Variants in TTN observed in about 807,000 individuals in gnomAD.
TTN encodes the protein connectin.
Under a neutral mutation model 3,223.0 loss-of-function variants are expected in TTN, and 1,525 were observed. The ratio of observed to expected loss-of-function variants is 0.47; its 90% CI spans 0.45 to 0.49. The LOEUF is 0.49. TTN is among the 20% of genes least tolerant of loss of function. The probability of loss-of-function intolerance (pLI) is 0.00; values close to 1 mark genes in which losing one functional copy is unlikely to be tolerated. For synonymous variants in TTN, 14,094 were observed against 15,161.0 expected (o/e 0.93, Z 5.17); for missense variants, 40,786 against 43,424.0 (o/e 0.94, Z 5.40).
intron 92 of TTN, 36 bp from the exon 93 acceptor site, chr2:178,713,408 C>CAAAAAA (rs1553893885): frequency 1.4e-6 from 2 of 1,459,526 alleles, no homozygotes; most frequent in African/African-American, 2.9e-5. Context: ...CAAAACAAAA[C>CAAAAAA]AAAAAAAACA....
In TTN at chr2:178,617,440, G is replaced by A. The variant is rs1425908913; in HGVS notation, c.47645C>T (p.Pro15882Leu). 1.3e-6 allele frequency: 2 copies of A among 1,597,238 alleles called. No individual in the cohort carries two copies. Among genetic ancestry groups the A allele is most frequent in the South Asian group, 1.2e-5 (1 of 86,720 alleles). ...TQSSVQLKWEPPLKDGGSPIL... is the reference protein window; with the variant it reads ...TQSSVQLKWELPLKDGGSPIL... ...TGGGCTTCCTCCATCTTTCAGAGGA[G>A]GTTCCCATTTGAGCTGAACTGATGA... Residue 15882 changes from proline (P) to leucine (L), a missense_variant, in exon 254 of 363, where the codon CCT becomes CTT. Physicochemically the swap from Pro to Leu is moderately conservative, Grantham distance 98 (BLOSUM62 -3). Transcript: ENST00000589042.
rs773007980 is a variant in TTN, at chr2:178,612,844, C to G, written c.49877G>C (p.Arg16626Thr). The change falls in exon 265 of 363, where the codon AGA (arginine) becomes ACA (threonine). Residue 16626 changes from arginine (R) to threonine (T), a missense_variant. Physicochemically the swap from Arg to Thr is moderately conservative, Grantham distance 71. Transcript: ENST00000589042. ...ACTTTCCCCAGCCTTATTCACAGCT[C>G]TAACTCGGAATGAGTATTCCTGTCC... ...MEGQEYSFRV[R>T]AVNKAGESEP... 3 of 1,612,440 alleles carry G rather than the reference C, an allele frequency of 1.9e-6. No homozygotes were observed. Among genetic ancestry groups the G allele is most frequent in the East Asian group, 4.5e-5 (2 of 44,536 alleles).
In TTN at chr2:178,649,906, G is replaced by T. The variant is rs754165747; in HGVS notation, c.39818-12C>A. 1.9e-6 allele frequency: 3 copies of T among 1,597,842 alleles called. No homozygotes were observed. The South Asian group carries it at 3.5e-5, about 18-fold the overall frequency. On this transcript the variant is annotated splice_polypyrimidine_tract_variant and intron_variant, in intron 210 of 362. Coordinates refer to ENST00000589042, the MANE Select transcript of TTN (RefSeq NM_001267550.2). ...GGGCTCTTCAGGCACTTGAATAATA[G>T]GAATTTCTTTTAGAATTAGGTGATT... is the stretch of plus-strand genomic sequence containing the variant.
rs794729236 is a variant in TTN at position 178,696,038 on chromosome 2, T to C, written c.31034A>G (p.Tyr10345Cys). The C allele has an allele frequency of 1.9e-6, 3 of 1,550,984 alleles. No homozygotes were observed. Among genetic ancestry groups the C allele is most frequent in the Non-Finnish European group, 2.6e-6 (3 of 1,146,552 alleles). The part of the protein sequence containing the change: ...QPYYEEPDED[Y>C]EEIKVEAKKE... ...TTTAGCTTCTACCTTAATCTCTTCA[T>C]AGTCTTCATCTGGTTCTTCATAATA... The change falls in exon 114 of 363, where the codon TAT becomes TGT. Residue 10345 changes from tyrosine to cysteine, a missense_variant. Coordinates refer to ENST00000589042, the MANE Select transcript of TTN (RefSeq NM_001267550.2).
intron 96 of TTN, 59 bp downstream of exon 96, chr2:178,711,885 A>G: frequency 6.6e-7 from 1 of 1,513,100 alleles, no homozygotes; most frequent in South Asian, 1.4e-5. Flanking sequence ...CTCCCCAGAC[A>G]TTTTAAATCT....
chr2:178,790,775 T>C lies in TTN; in HGVS notation c.1733A>G (p.Glu578Gly). Reference sequence around the variant, plus strand: ...TTCTTCTTGAGCTCCCGGGACTGTTTCTAGTTTTGTGGACTTTGCAGTGGC... The same window carrying C: ...TTCTTCTTGAGCTCCCGGGACTGTTCCTAGTTTTGTGGACTTTGCAGTGGC... ...VVATAKSTKL[E>G]TVPGAQEETT... Residue 578 changes from glutamate to glycine, a missense_variant, in exon 11 of 363, where the codon GAA becomes GGA. Coordinates refer to ENST00000589042, the MANE Select transcript of TTN (RefSeq NM_001267550.2). The C allele has an allele frequency of 6.2e-7, 1 of 1,614,174 alleles. No individual in the cohort carries two copies. The highest frequency in any genetic ancestry group is 8.5e-7 in the Non-Finnish European group (1 of 1,180,016).
At chr2:178,666,695 C>T (rs1045158150) in intron 163 of TTN, 129 bp downstream of exon 163, 53 of 714,426 alleles carry the variant, frequency 7.4e-5, no homozygotes, top group Non-Finnish European at 9.6e-5. Context: ...TGAGCTTCTA[C>T]TTGGGGGATC....
In TTN at chr2:178,712,841, C is replaced by G. The variant is rs1287177900; in HGVS notation, c.27184G>C (p.Gly9062Arg). The stretch of plus-strand genomic sequence containing the variant: ...TCCAAAGACACGTTGCATCTGTCAC[C>G]TGGTACTAGTTCACTGCTACCTTTG... ...WFKGSSELVP[G>R]DRCNVSLEDS... Residue 9062 changes from glycine to arginine, a missense_variant, in exon 94 of 363, where the codon GGT (glycine) becomes CGT (arginine). Coordinates refer to ENST00000589042, the MANE Select transcript of TTN (RefSeq NM_001267550.2). 6.2e-7 allele frequency: 1 copy of G among 1,613,798 alleles called. No homozygotes were observed. The highest frequency in any genetic ancestry group is 2.2e-5 in the East Asian group (1 of 44,848).
chr2:178,642,362 A>C (rs1458746453), intron 218 of TTN, 45 bp from the exon 219 acceptor site: 1 of 1,517,370 alleles, frequency 6.6e-7, no homozygotes, highest in Non-Finnish European at 8.9e-7. Flanking sequence ...TTTATATAAA[A>C]ACGGAATTTC....
chr2:178,565,059 C>G lies in TTN; in HGVS notation c.81073G>C (p.Ala27025Pro). The part of the protein sequence containing the change: ...TTTTTWHMVS[A>P]TVARTTIKIT... ...TTAATTGTTGTTCTTGCAACTGTTGCTGATACCATGTGCCAAGTGGTGGTG... is the reference window on the plus strand; with the variant it reads ...TTAATTGTTGTTCTTGCAACTGTTGGTGATACCATGTGCCAAGTGGTGGTG... The change falls in exon 326 of 363, where the codon GCA becomes CCA. Residue 27025 changes from alanine to proline, a missense_variant. Ala to Pro is a conservative substitution (Grantham distance 27). Coordinates refer to ENST00000589042, the MANE Select transcript of TTN (RefSeq NM_001267550.2). The G allele has an allele frequency of 6.2e-7, 1 of 1,613,660 alleles. No homozygotes were observed.
chr2:178,587,991 T>C lies in TTN; in HGVS notation c.63416A>G (p.Gln21139Arg), dbSNP rs1576042907. 6.2e-7 allele frequency: 1 copy of C among 1,612,648 alleles called. No individual in the cohort carries two copies. Among genetic ancestry groups the C allele is most frequent in the Non-Finnish European group, 8.5e-7 (1 of 1,179,280 alleles). The change falls in exon 305 of 363, where the codon CAG becomes CGG. Residue 21139 changes from glutamine (Q) to arginine (R), a missense_variant. Physicochemically the swap from Gln to Arg is conservative, Grantham distance 43. Transcript: ENST00000589042. ...EFTVTSLDEN[Q>R]EYEFRVCAQN... ...GGCACACACCCTGAACTCATATTCCTGGTTTTCATCCAAGCTGGTAACAGT... is the reference window on the plus strand; with the variant it reads ...GGCACACACCCTGAACTCATATTCCCGGTTTTCATCCAAGCTGGTAACAGT...
At chr2:178,734,237 A>G (rs2081045474) in intron 52 of TTN, 91 bp downstream of exon 52, 7 of 1,429,452 alleles carry the variant, frequency 4.9e-6, no homozygotes, top group Middle Eastern at 3.7e-4. Context: ...AAAGGATAGG[A>G]CAAGAGAAGA....
chr2:178,732,746 C>A, intron 55 of TTN, 28 bp from the exon 56 acceptor site: 1 of 1,560,154 alleles, frequency 6.4e-7, no homozygotes, highest in Non-Finnish European at 8.7e-7. Context: ...GAAAGAATTT[C>A]AAAGAGTTAA....
Position 178,712,913 on chromosome 2 carries a change from A to C in TTN, c.27112T>G (p.Phe9038Val). The C allele has an allele frequency of 6.2e-7, 1 of 1,613,324 alleles. No individual in the cohort carries two copies. Among genetic ancestry groups the C allele is most frequent in the Non-Finnish European group, 8.5e-7 (1 of 1,179,580 alleles). ...MDVLTGTNVT[F>V]TSIVKGTPPF... is the part of the protein sequence containing the mutation. Reference sequence around the variant, plus strand: ...GGTGTTCCTTTTACGATACTTGTGAAAGTTACATTGGTCCCAGTTAAAACA... The same window carrying C: ...GGTGTTCCTTTTACGATACTTGTGACAGTTACATTGGTCCCAGTTAAAACA... The change falls in exon 94 of 363, where the codon TTC (phenylalanine) becomes GTC (valine). Residue 9038 changes from phenylalanine to valine, a missense_variant. Coordinates refer to ENST00000589042, the MANE Select transcript of TTN (RefSeq NM_001267550.2).
Position 178,774,445 on chromosome 2 carries a change from A to G in TTN, c.6819T>C (p.Leu2273=). 1 of 1,613,204 alleles carries G rather than the reference A, an allele frequency of 6.2e-7. No individual in the cohort carries two copies. Among genetic ancestry groups the G allele is most frequent in the Non-Finnish European group, 8.5e-7 (1 of 1,179,926 alleles). ...EGAVVEFVKE[L]QDIEVPESYS... ...ATGATTCTGGAACTTCTATGTCCTGAAGTTCTTTCACAAACTCAACAACTG... is the reference window on the plus strand; with the variant it reads ...ATGATTCTGGAACTTCTATGTCCTGGAGTTCTTTCACAAACTCAACAACTG... The change falls in exon 30 of 363, where the codon CTT becomes CTC. Residue 2273 remains leucine (L), a synonymous_variant. Transcript: ENST00000589042.
rs770849924 is a variant in TTN at position 178,641,303 on chromosome 2, C to A, written c.40571G>T (p.Arg13524Ile). Residue 13524 changes from arginine to isoleucine, a missense_variant, in exon 220 of 363, where the codon AGA becomes ATA. Coordinates refer to ENST00000589042, the MANE Select transcript of TTN (RefSeq NM_001267550.2). ...EVVLKSVLRK[R>I]PEEEEPKVEP... ...TACTTTAGGTTCTTCTTCTTCAGGT[C>A]TTTTTCTTAGAACTTTAAAGACAAA... is the stretch of plus-strand genomic sequence containing the variant. The A allele has an allele frequency of 1.7e-5, 25 of 1,496,276 alleles. No individual in the cohort carries two copies. The highest frequency in any genetic ancestry group is 1.8e-5 in the Non-Finnish European group (20 of 1,120,716). 92.7% of individuals were successfully genotyped at this position (1,496,276 alleles called of 1,614,324 possible).
At chr2:178,528,498 C>T in intron 360 of TTN, 30 bp downstream of exon 360, 1 of 1,592,948 alleles carries the variant, frequency 6.3e-7, no homozygotes, top group Non-Finnish European at 8.5e-7. Flanking sequence ...TTTAGTTTTT[C>T]TTCAATAATA....
intron 330 of TTN, chr2:178,556,643 A>G (rs1203887901): frequency 5.0e-6 from 3 of 601,782 alleles, no homozygotes; most frequent in African/African-American, 3.7e-5. Flanking sequence ...CCTGAGGTCT[A>G]AATCTCTCAC....
intron 10 of TTN, among the ~76,000 whole-genome samples, chr2:178,791,068 G>A (rs1418131915): frequency 6.6e-6 from 1 of 152,188 alleles, no homozygotes; most frequent in Non-Finnish European, 1.5e-5. Flanking sequence ...TCCTAGAACT[G>A]AACATATCTC....
Sources: gnomAD v4.1 joint callset for allele counts (sites outside exome capture counted in the v4.1 genomes callset) on GRCh38, gnomAD v4.1.1 for gene constraint, MANE v1.5 for transcripts, NCBI Gene and HGNC (gene_info 2026-07-23, HGNC 2026-07-21) for gene names.